The following SCAPER variants were observed in gnomAD, a reference collection of about 807,000 sequenced individuals.
The protein encoded by SCAPER is S-phase cyclin A associated protein in the ER.
A neutral mutation model predicts 182.2 loss-of-function variants in SCAPER; 98 were observed. The observed-to-expected ratio is 0.54, with a 90% CI of 0.46 to 0.64. SCAPER has a LOEUF of 0.64. Ranked by LOEUF, SCAPER falls within the 30% of genes least tolerant of loss-of-function variation. The probability of loss-of-function intolerance (pLI) is 0.00; values close to 1 mark genes in which losing one functional copy is unlikely to be tolerated. For synonymous variants in SCAPER, 605 were observed against 564.6 expected, an observed-to-expected ratio of 1.07 and a Z score of -1.01; for missense variants, 1,432 against 1,690.0, an observed-to-expected ratio of 0.85 and a Z score of 2.68.
intron 21 of SCAPER, among the ~76,000 whole-genome samples, chr15:76,650,068 T>C (rs896709402): frequency 6.6e-6 from 1 of 152,140 alleles, no homozygotes; most frequent in Admixed American, 6.5e-5. Flanking sequence ...GAAAGGAAGA[T>C]GGACGCATAA....
In SCAPER at chr15:76,733,215, TA is replaced by T. The variant is rs772836870; in HGVS notation, c.2022+13del. On this transcript the variant is annotated intron_variant, in intron 16 of 31. Coordinates refer to ENST00000563290, the MANE Select transcript of SCAPER (RefSeq NM_020843.4). ...AGGTGCTCAAGCAATGTTTGCTGAA[TA>T]AAAAAATCCTACCTGCACAGCTTCA... 2.6e-6 allele frequency: 4 copies of T among 1,554,048 alleles called. No homozygotes were observed. Among genetic ancestry groups the T allele is most frequent in the Non-Finnish European group, 3.5e-6 (4 of 1,148,232 alleles).
chr15:76,482,919 G>A (rs2051267557), intron 24 of SCAPER, among the ~76,000 whole-genome samples: 1 of 152,080 alleles, frequency 6.6e-6, no homozygotes, highest in African/African-American at 2.4e-5. Flanking sequence ...ATGTTAAGAT[G>A]TCAGTTCTTC....
intron 5 of SCAPER, among the ~76,000 whole-genome samples, chr15:76,837,486 C>G (rs1184879239): frequency 6.6e-6 from 1 of 152,142 alleles, no homozygotes; most frequent in African/African-American, 2.4e-5. Context: ...GGAAAAGCCC[C>G]TTATAAAACC....
At position 76,547,522 on chromosome 15, in the gene SCAPER, C is replaced by T. The variant is rs187726298; in HGVS notation, c.2838+26636G>A. The stretch of plus-strand genomic sequence containing the variant: ...TAGTTTAATATGATCAATCACACTA[C>T]CTTAATTAATAGTGATTTCGGGATC... On this transcript the variant is annotated intron_variant, in intron 23 of 31. Transcript: ENST00000563290. Among the ~76,000 whole-genome samples the T allele has an allele frequency of 4.9e-4, 75 of 152,216 alleles. 1 individual carries two copies. The highest frequency in any genetic ancestry group is 4.0e-3 in the Admixed American group (61 of 15,280).
chr15:76,413,639 T>C (rs1231930390), intron 26 of SCAPER, among the ~76,000 whole-genome samples: 1 of 152,196 alleles, frequency 6.6e-6, no homozygotes, highest in Non-Finnish European at 1.5e-5. Flanking sequence ...CTGTCCAGTA[T>C]AGTAAAGATA....
intron 1 of SCAPER, among the ~76,000 whole-genome samples, chr15:76,884,813 T>C (rs1055540051): frequency 6.6e-6 from 1 of 151,918 alleles, no homozygotes; most frequent in East Asian, 1.9e-4. Flanking sequence ...ACACAATGAA[T>C]AAAAGGACAT....
At chr15:76,838,054 A>G (rs1023737278) in intron 5 of SCAPER, among the ~76,000 whole-genome samples, 13 of 152,216 alleles carry the variant, frequency 8.5e-5, no homozygotes, top group African/African-American at 3.1e-4. Context: ...TATTAAGTAT[A>G]TACCCAAAGG....
chr15:76,810,459 T>C (rs1056207435), intron 5 of SCAPER, among the ~76,000 whole-genome samples: 7 of 147,754 alleles, frequency 4.7e-5, no homozygotes, highest in Non-Finnish European at 1.0e-4. Flanking sequence ...ATATTTTACA[T>C]AAGCACCCTG....
rs1428795023 is a variant in SCAPER, at chr15:76,440,960, C to T, written c.3079-6650G>A. Among the ~76,000 whole-genome samples, 5 of 119,440 alleles carry T rather than the reference C, an allele frequency of 4.2e-5. No homozygotes were observed. The South Asian group carries it at 8.8e-4, about 21-fold the overall frequency. The allele number at this position is 119,440 out of a possible 152,430, so 78.4% of individuals were successfully genotyped here. A position where few individuals can be genotyped will look rare whatever the true frequency, so the allele number is the denominator to read the frequency against. ...TTTTGGGGACGGAGTCTGGCTCTGT[C>T]GCCCAGGCTGGGGTGCAGTGGCACG... is the stretch of plus-strand genomic sequence containing the variant. On this transcript the variant is annotated intron_variant, in intron 25 of 31. Coordinates refer to ENST00000563290, the MANE Select transcript of SCAPER (RefSeq NM_020843.4).
chr15:76,766,259 G>T (rs1238184178), intron 11 of SCAPER, among the ~76,000 whole-genome samples: 1 of 152,040 alleles, frequency 6.6e-6, no homozygotes, highest in Non-Finnish European at 1.5e-5. Context: ...ACCACGCCCA[G>T]CTAATTTTTG....
intron 22 of SCAPER, among the ~76,000 whole-genome samples, chr15:76,615,679 GCA>G (rs2051411859): frequency 6.6e-6 from 1 of 151,290 alleles, no homozygotes; most frequent in African/African-American, 2.4e-5. Flanking sequence ...AACTAGCTGG[GCA>G]CGGTGGCACA....
chr15:76,424,210 T>C (rs992592104), intron 26 of SCAPER, among the ~76,000 whole-genome samples: 1 of 152,152 alleles, frequency 6.6e-6, no homozygotes, highest in African/African-American at 2.4e-5. Flanking sequence ...CTAATGTTGA[T>C]GGTGGGATGT....
At chr15:76,728,455 G>C in intron 17 of SCAPER, 140 bp downstream of exon 17, 1 of 1,080,106 alleles carries the variant, frequency 9.3e-7, no homozygotes, top group South Asian at 1.6e-5. Flanking sequence ...GATCACTTGA[G>C]TCAGAGAGTT....
chr15:76,749,838 C>G (rs2061991859), intron 15 of SCAPER, among the ~76,000 whole-genome samples: 1 of 151,712 alleles, frequency 6.6e-6, no homozygotes, highest in Non-Finnish European at 1.5e-5. Context: ...CAATTTAAAC[C>G]CAGATAGGCT....
chr15:76,810,944 C>T (rs560673545), intron 5 of SCAPER, among the ~76,000 whole-genome samples: 3 of 151,900 alleles, frequency 2.0e-5, no homozygotes, highest in South Asian at 2.1e-4. Context: ...AAGGTCCTTA[C>T]GTAACAATAA....
chr15:76,687,450 A>T (rs553957659), intron 20 of SCAPER, among the ~76,000 whole-genome samples: 1 of 152,178 alleles, frequency 6.6e-6, no homozygotes, highest in South Asian at 2.1e-4. Flanking sequence ...ACTCTTTTTT[A>T]AAATTATTAT....
At chr15:76,819,789 A>G (rs1321393656) in intron 5 of SCAPER, among the ~76,000 whole-genome samples, 1 of 152,166 alleles carries the variant, frequency 6.6e-6, no homozygotes, top group African/African-American at 2.4e-5. Context: ...AGAAACCACC[A>G]TCAGAGTGAA....
intron 23 of SCAPER, among the ~76,000 whole-genome samples, chr15:76,506,133 A>G (rs1293745869): frequency 2.0e-5 from 3 of 152,052 alleles, no homozygotes; most frequent in Non-Finnish European, 4.4e-5. Flanking sequence ...ATGGGGAAGG[A>G]AGTGAGGGTA....
chr15:76,443,896 G>A (rs1487398661), intron 25 of SCAPER, among the ~76,000 whole-genome samples: 1 of 152,212 alleles, frequency 6.6e-6, no homozygotes, highest in Non-Finnish European at 1.5e-5. Flanking sequence ...CTACCAAGAG[G>A]TGGAAATAGC....
Sources: allele counts gnomAD v4.1 joint callset (sites outside exome capture counted in the v4.1 genomes callset), GRCh38; gene constraint gnomAD v4.1.1; transcripts MANE v1.5; gene names NCBI Gene and HGNC (gene_info 2026-07-23, HGNC 2026-07-21).